Variants in RBFOX1 observed in about 807,000 individuals in gnomAD.
RBFOX1 encodes the protein RNA binding protein fox-1 homolog 1.
Under a neutral mutation model 57.7 loss-of-function variants are expected in RBFOX1, and 8 were observed. The ratio of observed to expected loss-of-function variants is 0.14; its 90% CI spans 0.08 to 0.25. The LOEUF (loss-of-function observed/expected upper bound fraction) is 0.25. Ranked by LOEUF, RBFOX1 falls within the 10% of genes least tolerant of loss-of-function variation. The pLI, the probability that RBFOX1 is intolerant of heterozygous loss-of-function variation, is 1.00. For missense variants in RBFOX1, 611 were observed against 548.5 expected (o/e 1.11, Z -1.14); for synonymous variants, 326 against 222.4 (o/e 1.47, Z -4.15).
rs146378055 is a variant in RBFOX1, at chr16:6,932,221, G to A, written c.-15-119836G>A. 3.1e-4 allele frequency among the ~76,000 whole-genome samples: 47 copies of A among 152,008 alleles called. 1 individual carries two copies. In the East Asian group the frequency reaches 6.4e-3, roughly 21 times the overall value. On this transcript the variant is annotated intron_variant, in intron 3 of 15. Coordinates refer to ENST00000550418, the MANE Select transcript of RBFOX1 (RefSeq NM_018723.4). The stretch of plus-strand genomic sequence containing the variant: ...TGTGCTTGAGTGATTTCCCTGCCTC[G>A]GCCTCCCAAGTAGCTGGGATTACAG...
At chr16:5,584,061 A>G (rs946633784) in intron 2 of RBFOX1, among the ~76,000 whole-genome samples, 1 of 152,172 alleles carries the variant, frequency 6.6e-6, no homozygotes, top group African/African-American at 2.4e-5. Flanking sequence ...CCATTTCTGC[A>G]TCAGTGGCCT....
intron 4 of RBFOX1, among the ~76,000 whole-genome samples, chr16:5,984,666 A>T (rs1441783728): frequency 6.6e-6 from 1 of 152,082 alleles, no homozygotes; most frequent in African/African-American, 2.4e-5. Context: ...AACAATGGGG[A>T]CACATTCTGA....
At chr16:7,442,589 C>T (rs1032780189) in intron 4 of RBFOX1, among the ~76,000 whole-genome samples, 3 of 152,070 alleles carry the variant, frequency 2.0e-5, no homozygotes, top group African/African-American at 7.2e-5. Context: ...CTGCAACTAG[C>T]TTCAGGCCTA....
chr16:6,930,638 C>CAAG (rs2076350998), intron 3 of RBFOX1, among the ~76,000 whole-genome samples: 1 of 152,076 alleles, frequency 6.6e-6, no homozygotes, highest in African/African-American at 2.4e-5. Flanking sequence ...TTGAGCTCCT[C>CAAG]ACCTTAGGTG....
intron 3 of RBFOX1, among the ~76,000 whole-genome samples, chr16:6,801,096 C>T (rs181651655): frequency 6.6e-6 from 1 of 150,906 alleles, no homozygotes; most frequent in African/African-American, 2.4e-5. Flanking sequence ...GATTGCCATT[C>T]AGTAGATCTG....
At chr16:6,871,920 TG>T (rs1400454529) in intron 3 of RBFOX1, among the ~76,000 whole-genome samples, 6 of 100,820 alleles carry the variant, frequency 6.0e-5, no homozygotes, top group African/African-American at 1.8e-4. Context: ...TCTGTGTGTG[TG>T]TGTGTGTGTG....
chr16:6,096,162 C>T lies in RBFOX1; in HGVS notation c.-127+76170C>T, dbSNP rs138134364. On this transcript the variant is annotated intron_variant, in intron 1 of 15. Coordinates refer to ENST00000550418, the MANE Select transcript of RBFOX1 (RefSeq NM_018723.4). ...TTGTATATGCTCTTAATTATTGTGG[C>T]ATAGTTATTTATAACCTGATGGGGA... is the stretch of plus-strand genomic sequence containing the variant. 3.9e-4 allele frequency among the ~76,000 whole-genome samples: 59 copies of T among 152,238 alleles called. No individual in the cohort carries two copies. In the East Asian group the frequency reaches 0.01, roughly 27 times the overall value.
At chr16:5,774,775 C>T (rs910238541) in intron 3 of RBFOX1, among the ~76,000 whole-genome samples, 6 of 152,092 alleles carry the variant, frequency 3.9e-5, no homozygotes, top group Admixed American at 6.6e-5. Flanking sequence ...TTCCACCTCC[C>T]GAGTTCAAGC....
chr16:6,558,708 C>T (rs1168564591), intron 2 of RBFOX1, among the ~76,000 whole-genome samples: 6 of 152,024 alleles, frequency 3.9e-5, no homozygotes, highest in African/African-American at 4.8e-5. Context: ...TCATTCCCTC[C>T]GTCCGTCCCA....
intron 4 of RBFOX1, among the ~76,000 whole-genome samples, chr16:7,071,829 C>A (rs976731074): frequency 6.6e-6 from 1 of 152,044 alleles, no homozygotes; most frequent in African/African-American, 2.4e-5. Flanking sequence ...CACACCTGCC[C>A]ATTAATCTGC....
chr16:7,588,121 G>A (rs1339891003), intron 7 of RBFOX1, among the ~76,000 whole-genome samples: 1 of 152,234 alleles, frequency 6.6e-6, no homozygotes, highest in African/African-American at 2.4e-5. Flanking sequence ...AGTAGTTGCA[G>A]TGAGCTGAGA....
intron 8 of RBFOX1, among the ~76,000 whole-genome samples, chr16:7,596,184 T>TTTC (rs2094693085): frequency 6.7e-6 from 1 of 149,686 alleles, no homozygotes; most frequent in Non-Finnish European, 1.5e-5. Context: ...TTTTTTTTTT[T>TTTC]TAAGAAGCCA....
chr16:5,870,802 G>A (rs2057451410), intron 4 of RBFOX1, among the ~76,000 whole-genome samples: 1 of 152,040 alleles, frequency 6.6e-6, no homozygotes, highest in South Asian at 2.1e-4. Context: ...GTTCTGTTAG[G>A]TAAATAATAG....
intron 4 of RBFOX1, among the ~76,000 whole-genome samples, chr16:7,454,599 T>G (rs1334398202): frequency 6.6e-6 from 1 of 152,210 alleles, no homozygotes; most frequent in Non-Finnish European, 1.5e-5. Flanking sequence ...GAAGGAAAAC[T>G]ACACAAAGAT....
chr16:6,979,106 T>A (rs12597439), intron 3 of RBFOX1, among the ~76,000 whole-genome samples: 1 of 152,084 alleles, frequency 6.6e-6, no homozygotes, highest in African/African-American at 2.4e-5. Context: ...ATGATGATTA[T>A]GGGCTCAGAT....
At chr16:6,018,989 GAGGGGA>G (rs1166864665), upstream of RBFOX1, 3 of 736,564 alleles carry the variant, frequency 4.1e-6, no homozygotes, top group East Asian at 4.1e-4. Flanking sequence ...CGGCGCTGGC[GAGGGGA>G]AGGGGGAGGG....
At chr16:5,728,102 G>A (rs1053755174) in intron 3 of RBFOX1, among the ~76,000 whole-genome samples, 1 of 152,160 alleles carries the variant, frequency 6.6e-6, no homozygotes, top group African/African-American at 2.4e-5. Flanking sequence ...TCCCACTTAC[G>A]AGTGGACATT....
chr16:7,286,883 C>T (rs908090883), intron 4 of RBFOX1, among the ~76,000 whole-genome samples: 3 of 152,104 alleles, frequency 2.0e-5, no homozygotes, highest in Admixed American at 2.0e-4. Context: ...CCCGCCTCAG[C>T]CTCCCAGAGT....
chr16:6,642,981 G>C (rs911026494), intron 2 of RBFOX1, among the ~76,000 whole-genome samples: 2 of 152,168 alleles, frequency 1.3e-5, no homozygotes. Context: ...CTTACATCGT[G>C]AGTCATCTTC....
Sources: allele counts gnomAD v4.1 joint callset (sites outside exome capture counted in the v4.1 genomes callset), GRCh38; gene constraint gnomAD v4.1.1; transcripts MANE v1.5; gene names NCBI Gene and HGNC (gene_info 2026-07-23, HGNC 2026-07-21).